ERC1: variants seen among roughly 807,000 people sequenced by gnomAD.
The protein encoded by ERC1 is RAB6 interacting protein 2.
Under a neutral mutation model 132.0 loss-of-function variants are expected in ERC1, and 56 were observed. The ratio of observed to expected loss-of-function variants is 0.42; its 90% CI spans 0.34 to 0.53. The LOEUF (loss-of-function observed/expected upper bound fraction) is 0.53. Among genes scored for constraint, ERC1 ranks in the 20% least tolerant of loss-of-function variants. ERC1 has a pLI of 0.03. For missense variants in ERC1, 1,202 were observed against 1,349.9 expected (o/e 0.89, Z 1.72); for synonymous variants, 478 against 476.1 (o/e 1.00, Z -0.05).
intron 7 of ERC1, among the ~76,000 whole-genome samples, chr12:1,120,935 C>G (rs1365097140): frequency 6.6e-6 from 1 of 152,082 alleles, no homozygotes; most frequent in Non-Finnish European, 1.5e-5. Context: ...GCTTGCAGTC[C>G]CAGCCCAGTT....
At chr12:1,149,865 C>T (rs771415287) in intron 8 of ERC1, among the ~76,000 whole-genome samples, 4 of 151,962 alleles carry the variant, frequency 2.6e-5, no homozygotes, top group Non-Finnish European at 2.9e-5. Context: ...TTCATTTGCC[C>T]GCTTTGTGAG....
chr12:1,422,119 G>A (rs945938134), intron 17 of ERC1, among the ~76,000 whole-genome samples: 3 of 152,176 alleles, frequency 2.0e-5, no homozygotes, highest in African/African-American at 7.2e-5. Context: ...TACAGAGATG[G>A]TTTCAGTCCC....
chr12:1,013,982 G>C (rs558138064), intron 1 of ERC1, among the ~76,000 whole-genome samples: 1 of 151,638 alleles, frequency 6.6e-6, no homozygotes, highest in East Asian at 2.0e-4. Context: ...TTGGCTTCCC[G>C]AAGTGTTGGG....
At chr12:1,235,945 A>G (rs1206281350) in intron 12 of ERC1, among the ~76,000 whole-genome samples, 1 of 152,162 alleles carries the variant, frequency 6.6e-6, no homozygotes, top group Non-Finnish European at 1.5e-5. Flanking sequence ...TAATTGCCAT[A>G]TATTATTTCA....
At chr12:1,043,999 T>C (rs952341867) in intron 2 of ERC1, among the ~76,000 whole-genome samples, 1 of 152,168 alleles carries the variant, frequency 6.6e-6, no homozygotes, top group Non-Finnish European at 1.5e-5. Flanking sequence ...TGAAACCGTA[T>C]GTGGGAGTGG....
At chr12:1,126,339 G>A (rs1336214905) in intron 7 of ERC1, among the ~76,000 whole-genome samples, 2 of 148,742 alleles carry the variant, frequency 1.3e-5, no homozygotes, top group Admixed American at 6.9e-5. Context: ...AGAACAGGGA[G>A]TGTGAAATCA....
intron 8 of ERC1, among the ~76,000 whole-genome samples, chr12:1,175,717 T>C (rs1476620128): frequency 6.6e-6 from 1 of 152,028 alleles, no homozygotes; most frequent in Non-Finnish European, 1.5e-5. Context: ...GTATTTTCAG[T>C]AGAGACAGCG....
intron 15 of ERC1, among the ~76,000 whole-genome samples, chr12:1,313,074 A>G (rs1044994378): frequency 1.3e-5 from 2 of 152,176 alleles, no homozygotes; most frequent in Admixed American, 1.3e-4. Context: ...TGGGGCTGCT[A>G]CAGTGGCTCC....
intron 4 of ERC1, among the ~76,000 whole-genome samples, chr12:1,108,090 G>T (rs1274164642): frequency 6.6e-6 from 1 of 152,220 alleles, no homozygotes; most frequent in Admixed American, 6.5e-5. Context: ...GTTGGTGCTA[G>T]AACTAGTTGA....
At chr12:1,276,019 C>T (rs1194216474) in intron 14 of ERC1, among the ~76,000 whole-genome samples, 1 of 152,106 alleles carries the variant, frequency 6.6e-6, no homozygotes, top group African/African-American at 2.4e-5. Flanking sequence ...GTAATGTTTT[C>T]TAGGTCGAAA....
intron 15 of ERC1, among the ~76,000 whole-genome samples, chr12:1,349,645 C>CA (rs2084815139): frequency 7.4e-6 from 1 of 135,872 alleles, no homozygotes; most frequent in Admixed American, 7.9e-5. Flanking sequence ...ACCTGGACGA[C>CA]AGAGTGAGAC....
chr12:1,233,046 T>C (rs1323590388), intron 12 of ERC1, among the ~76,000 whole-genome samples: 1 of 152,182 alleles, frequency 6.6e-6, no homozygotes, highest in Non-Finnish European at 1.5e-5. Context: ...ACTAAAATAA[T>C]TTATTCAGGA....
At chr12:1,017,322 A>G (rs146580934) in intron 1 of ERC1, among the ~76,000 whole-genome samples, 3 of 152,058 alleles carry the variant, frequency 2.0e-5, no homozygotes, top group African/African-American at 7.2e-5. Flanking sequence ...TTTTTTTCTG[A>G]CAGGCTTTGT....
chr12:1,351,983 A>G (rs2085043326), intron 15 of ERC1, among the ~76,000 whole-genome samples: 1 of 152,164 alleles, frequency 6.6e-6, no homozygotes, highest in East Asian at 1.9e-4. Context: ...TGGTAAGTAA[A>G]TCACTGCTGA....
At chr12:1,279,183 C>T (rs1017386194) in intron 14 of ERC1, among the ~76,000 whole-genome samples, 2 of 152,142 alleles carry the variant, frequency 1.3e-5, no homozygotes, top group South Asian at 2.1e-4. Context: ...TTTTAGAAAT[C>T]GAGTTGACAG....
chr12:1,393,831 C>CCTGGCTAACAT (rs2090202749), intron 16 of ERC1, among the ~76,000 whole-genome samples: 2 of 146,596 alleles, frequency 1.4e-5, no homozygotes, highest in African/African-American at 2.5e-5. Context: ...ATTGAGACCA[C>CCTGGCTAACAT]GGTGAAACCC....
intron 16 of ERC1, among the ~76,000 whole-genome samples, chr12:1,377,914 G>T (rs533978076): frequency 1.3e-5 from 2 of 152,272 alleles, no homozygotes; most frequent in African/African-American, 4.8e-5. Context: ...GGAACTGAGG[G>T]TTATGACAAC....
intron 1 of ERC1, among the ~76,000 whole-genome samples, chr12:1,001,705 T>A (rs761849616): frequency 1.3e-5 from 2 of 152,200 alleles, no homozygotes; most frequent in African/African-American, 2.4e-5. Flanking sequence ...AGATTTAGAT[T>A]TGTATGTAGC....
chr12:1,099,224 T>TGGGAGA (rs1944390452), intron 3 of ERC1, among the ~76,000 whole-genome samples: 1 of 152,150 alleles, frequency 6.6e-6, no homozygotes, highest in South Asian at 2.1e-4. Context: ...AAAGAGTGAA[T>TGGGAGA]GGGAGAGGGA....
Sources: allele counts gnomAD v4.1 joint callset (sites outside exome capture counted in the v4.1 genomes callset), GRCh38; gene constraint gnomAD v4.1.1; transcripts MANE v1.5; gene names NCBI Gene and HGNC (gene_info 2026-07-23, HGNC 2026-07-21).